Variants in RALGAPA2 observed in about 807,000 individuals in gnomAD.
RALGAPA2 encodes the protein ral GTPase-activating protein subunit alpha-2.
Under a neutral mutation model 230.4 loss-of-function variants are expected in RALGAPA2, and 139 were observed. The ratio of observed to expected loss-of-function variants is 0.60; its 90% CI spans 0.53 to 0.69. The LOEUF (loss-of-function observed/expected upper bound fraction) is 0.69, where lower values mean the gene tolerates loss of function less well. Among genes scored for constraint, RALGAPA2 ranks in the 30% least tolerant of loss-of-function variants. The pLI is 0.00. For missense variants in RALGAPA2, 2,163 were observed against 2,276.0 expected, an observed-to-expected ratio of 0.95 and a Z score of 1.01; for synonymous variants, 847 against 837.8, an observed-to-expected ratio of 1.01 and a Z score of -0.19.
intron 14 of RALGAPA2, among the ~76,000 whole-genome samples, chr20:20,607,502 A>G (rs2065856997): frequency 6.6e-6 from 1 of 152,184 alleles, no homozygotes; most frequent in Non-Finnish European, 1.5e-5. Context: ...TTTTATTATG[A>G]CTAAAATGCC....
rs547305558 is a variant in RALGAPA2 at position 20,429,384 on chromosome 20, C to T, written c.5496-17236G>A. ...AGAATAAGGATAGATAAATTAGATT[C>T]TTCTTTCTCCCCCCAGAACCAAGAG... is the stretch of plus-strand genomic sequence containing the variant. On this transcript the variant is annotated intron_variant, in intron 37 of 39. Coordinates refer to ENST00000202677, the MANE Select transcript of RALGAPA2 (RefSeq NM_020343.4). Among the ~76,000 whole-genome samples the T allele has an allele frequency of 7.2e-5, 11 of 152,300 alleles. No homozygotes were observed. The South Asian group carries it at 1.9e-3, about 26-fold the overall frequency.
chr20:20,503,305 C>T, intron 35 of RALGAPA2, 46 bp downstream of exon 35: 1 of 1,426,380 alleles, frequency 7.0e-7, no homozygotes, highest in African/African-American at 1.5e-5. Context: ...AGAGCCTCAC[C>T]TACAAACCAG....
intron 20 of RALGAPA2, among the ~76,000 whole-genome samples, chr20:20,579,081 C>A (rs756085528): frequency 7.2e-5 from 11 of 152,104 alleles, no homozygotes; most frequent in Non-Finnish European, 1.5e-4. Flanking sequence ...GTAACAGGAG[C>A]TGTAATTCAT....
At chr20:20,472,794 G>T in intron 37 of RALGAPA2, 35 bp downstream of exon 37, 1 of 1,591,072 alleles carries the variant, frequency 6.3e-7, no homozygotes, top group Non-Finnish European at 8.6e-7. Context: ...ATTCTGGGAT[G>T]GTTAGTAAGT....
intron 4 of RALGAPA2, among the ~76,000 whole-genome samples, chr20:20,645,361 G>A (rs1449408238): frequency 1.4e-4 from 21 of 151,832 alleles, no homozygotes; most frequent in Admixed American, 8.5e-4. Context: ...CAATCCACCC[G>A]CCTCGGCCTC....
intron 24 of RALGAPA2, among the ~76,000 whole-genome samples, chr20:20,539,165 C>G (rs2063573889): frequency 6.6e-6 from 1 of 152,172 alleles, no homozygotes; most frequent in South Asian, 2.1e-4. Flanking sequence ...CTCCTCATCT[C>G]TTGGTGACTT....
chr20:20,520,864 C>T (rs2063016703), intron 31 of RALGAPA2, 53 bp downstream of exon 31: 2 of 1,414,114 alleles, frequency 1.4e-6, no homozygotes, highest in Non-Finnish European at 9.5e-7. Flanking sequence ...TGGCTAAAGG[C>T]TAAATCCTTC....
intron 10 of RALGAPA2, among the ~76,000 whole-genome samples, chr20:20,625,536 G>C (rs1291947198): frequency 6.6e-6 from 1 of 152,118 alleles, no homozygotes; most frequent in Non-Finnish European, 1.5e-5. Flanking sequence ...CATAGCCTAA[G>C]TAAGACACTT....
At chr20:20,705,704 T>C (rs2069572463) in intron 1 of RALGAPA2, among the ~76,000 whole-genome samples, 1 of 152,086 alleles carries the variant, frequency 6.6e-6, no homozygotes. Flanking sequence ...AGTCTTACTC[T>C]GTTGCCTAGG....
At chr20:20,555,189 G>A (rs1074440) in intron 23 of RALGAPA2, among the ~76,000 whole-genome samples, 47,824 of 152,064 alleles carry the variant, frequency 0.31, 9,276 homozygotes, top group Middle Eastern at 0.45. Context: ...ATTCTTTTCC[G>A]ACTGAATTGT....
intron 9 of RALGAPA2, among the ~76,000 whole-genome samples, chr20:20,633,253 G>C (rs1029188212): frequency 3.9e-5 from 6 of 152,010 alleles, no homozygotes; most frequent in African/African-American, 1.2e-4. Flanking sequence ...TCCTGCCTCA[G>C]CTTCCCGAGT....
rs574123144 is a variant in RALGAPA2 at position 20,395,294 on chromosome 20, C to T, written c.*35+1401G>A. On this transcript the variant is annotated intron_variant, in intron 39 of 39. Transcript: ENST00000202677. ...TCATCTGCACTGGGCCCTCGTGCCA[C>T]AGCACCCCGTGGTGGGGAGGTGGCA... Among the ~76,000 whole-genome samples the T allele has an allele frequency of 7.3e-4, 111 of 152,384 alleles. 1 individual carries two copies. Among genetic ancestry groups the T allele is most frequent in the Admixed American group, 2.4e-3 (37 of 15,312 alleles).
In RALGAPA2 at chr20:20,413,870, TA is replaced by T. The variant is rs2060113435; in HGVS notation, c.5496-1723del. Among the ~76,000 whole-genome samples the T allele has an allele frequency of 2.6e-5, 4 of 152,362 alleles. No individual in the cohort carries two copies. In the South Asian group the frequency reaches 8.3e-4, roughly 32 times the overall value. ...GGGCTGAACTCCTGGTGACTCGCCT[TA>T]ATGAACAGGCTGCCAAACTTCCTCA... On this transcript the variant is annotated intron_variant, in intron 37 of 39. Coordinates refer to ENST00000202677, the MANE Select transcript of RALGAPA2 (RefSeq NM_020343.4).
intron 30 of RALGAPA2, 130 bp downstream of exon 30, chr20:20,524,276 A>ACTTT: frequency 3.1e-6 from 4 of 1,282,802 alleles, no homozygotes; most frequent in Non-Finnish European, 4.2e-6. Flanking sequence ...CTTTTTAAGA[A>ACTTT]AACGTTTAAG....
At chr20:20,658,731 C>T (rs916998543) in intron 3 of RALGAPA2, among the ~76,000 whole-genome samples, 2 of 152,194 alleles carry the variant, frequency 1.3e-5, no homozygotes, top group East Asian at 3.8e-4. Flanking sequence ...GAACCTACTG[C>T]ATGACCAGGA....
chr20:20,678,428 GC>G (rs969321201), intron 2 of RALGAPA2, among the ~76,000 whole-genome samples: 1 of 152,102 alleles, frequency 6.6e-6, no homozygotes, highest in Non-Finnish European at 1.5e-5. Context: ...CTTGACAACT[GC>G]CTGTTCTACA....
At chr20:20,691,149 T>G (rs144752913) in intron 1 of RALGAPA2, among the ~76,000 whole-genome samples, 1 of 152,286 alleles carries the variant, frequency 6.6e-6, no homozygotes, top group East Asian at 1.9e-4. Context: ...CACCCGCTAT[T>G]TCTTATCCTT....
intron 1 of RALGAPA2, among the ~76,000 whole-genome samples, chr20:20,696,841 T>G (rs565863489): frequency 1.3e-5 from 2 of 152,332 alleles, no homozygotes; most frequent in African/African-American, 4.8e-5. Context: ...CATACCCTTA[T>G]CAAGCTTAAT....
At chr20:20,559,333 A>G (rs1222085687) in intron 23 of RALGAPA2, among the ~76,000 whole-genome samples, 1 of 152,064 alleles carries the variant, frequency 6.6e-6, no homozygotes, top group Non-Finnish European at 1.5e-5. Context: ...CCATTTAGAC[A>G]ATTCGTGTTT....
Sources: allele counts gnomAD v4.1 joint callset (sites outside exome capture counted in the v4.1 genomes callset), GRCh38; gene constraint gnomAD v4.1.1; transcripts MANE v1.5; gene names NCBI Gene and HGNC (gene_info 2026-07-23, HGNC 2026-07-21).